ADGRB3: variants seen among roughly 807,000 people sequenced by gnomAD.
The protein encoded by ADGRB3 is adhesion G protein-coupled receptor B3.
Under a neutral mutation model 193.4 loss-of-function variants are expected in ADGRB3, and 37 were observed. That is an observed-to-expected ratio of 0.19 (90% confidence interval 0.15 to 0.25). The LOEUF is 0.25. Among genes scored for constraint, ADGRB3 ranks in the 10% least tolerant of loss-of-function variants. The probability of loss-of-function intolerance (pLI) is 1.00; values close to 1 mark genes in which losing one functional copy is unlikely to be tolerated. For synonymous variants in ADGRB3, 690 were observed against 644.2 expected (o/e 1.07, Z -1.08); for missense variants, 1,637 against 1,852.9 (o/e 0.88, Z 2.14).
intron 3 of ADGRB3, among the ~76,000 whole-genome samples, chr6:68,700,015 T>C (rs1765215947): frequency 6.6e-6 from 1 of 152,160 alleles, no homozygotes; most frequent in African/African-American, 2.4e-5. Flanking sequence ...TTAGGGAATC[T>C]GTAAAACATA....
chr6:69,006,841 T>G (rs1769771945), intron 11 of ADGRB3, among the ~76,000 whole-genome samples: 1 of 152,078 alleles, frequency 6.6e-6, no homozygotes, highest in South Asian at 2.1e-4. Flanking sequence ...TCGTCATCTT[T>G]TTTTTATTTA....
chr6:68,706,209 G>A (rs572110341), intron 3 of ADGRB3, among the ~76,000 whole-genome samples: 2 of 152,210 alleles, frequency 1.3e-5, no homozygotes, highest in South Asian at 4.1e-4. Context: ...ACCCCCAAAG[G>A]AGCAAAGAGA....
At chr6:69,135,485 T>A (rs900959464) in intron 17 of ADGRB3, among the ~76,000 whole-genome samples, 4 of 152,142 alleles carry the variant, frequency 2.6e-5, no homozygotes, top group South Asian at 2.1e-4. Flanking sequence ...AAATGTACTG[T>A]CGTAGTAAGC....
intron 3 of ADGRB3, among the ~76,000 whole-genome samples, chr6:68,816,587 G>A (rs891723193): frequency 6.6e-6 from 1 of 151,694 alleles, no homozygotes; most frequent in African/African-American, 2.4e-5. Context: ...TTTTCTAATA[G>A]ATGTTTGATT....
chr6:68,956,493 T>G (rs1768080040), intron 7 of ADGRB3, 152 bp from the exon 8 acceptor site: 1 of 1,056,194 alleles, frequency 9.5e-7, no homozygotes, highest in Non-Finnish European at 1.4e-6. Flanking sequence ...CGCAATGCTC[T>G]ATATTTGACC....
intron 3 of ADGRB3, among the ~76,000 whole-genome samples, chr6:68,921,247 T>A (rs1242104355): frequency 2.0e-5 from 3 of 152,166 alleles, no homozygotes; most frequent in Non-Finnish European, 4.4e-5. Context: ...AAAATCCGAC[T>A]ATATATGTTA....
chr6:68,654,326 T>C (rs1768441946), intron 3 of ADGRB3, among the ~76,000 whole-genome samples: 1 of 151,996 alleles, frequency 6.6e-6, no homozygotes, highest in Non-Finnish European at 1.5e-5. Flanking sequence ...GCAAGCTTTG[T>C]TCTACGTGGC....
At chr6:68,649,642 CT>C (rs1482696122) in intron 3 of ADGRB3, among the ~76,000 whole-genome samples, 5 of 152,162 alleles carry the variant, frequency 3.3e-5, no homozygotes, top group African/African-American at 9.7e-5. Context: ...TATAGATTTA[CT>C]AAGACAATCT....
intron 17 of ADGRB3, among the ~76,000 whole-genome samples, chr6:69,150,314 A>AC (rs1774636442): frequency 6.6e-6 from 1 of 152,080 alleles, no homozygotes; most frequent in Non-Finnish European, 1.5e-5. Context: ...TGCCATGCAA[A>AC]CCACAAGACA....
intron 3 of ADGRB3, among the ~76,000 whole-genome samples, chr6:68,810,190 T>G (rs2127375212): frequency 6.6e-6 from 1 of 152,332 alleles, no homozygotes; most frequent in East Asian, 1.9e-4. Flanking sequence ...ACTTTACTCC[T>G]GGTATTGACC....
At chr6:69,074,415 A>G (rs564096394) in intron 16 of ADGRB3, among the ~76,000 whole-genome samples, 153 of 152,208 alleles carry the variant, frequency 1.0e-3, no homozygotes, top group Middle Eastern at 3.4e-3. Context: ...TTTCCCAGAT[A>G]CACTCCAGTG....
intron 17 of ADGRB3, among the ~76,000 whole-genome samples, chr6:69,174,461 C>T (rs1488464514): frequency 6.6e-6 from 1 of 152,166 alleles, no homozygotes; most frequent in East Asian, 1.9e-4. Context: ...AATAGTATTC[C>T]ATGGTGTATG....
intron 17 of ADGRB3, among the ~76,000 whole-genome samples, chr6:69,162,397 G>A (rs1775020953): frequency 6.6e-6 from 1 of 152,044 alleles, no homozygotes; most frequent in Non-Finnish European, 1.5e-5. Flanking sequence ...TTCCATTAAG[G>A]GTTTCAGTAT....
chr6:69,136,014 G>A (rs1774139177), intron 17 of ADGRB3, among the ~76,000 whole-genome samples: 1 of 152,044 alleles, frequency 6.6e-6, no homozygotes, highest in South Asian at 2.1e-4. Flanking sequence ...TAAATAACTT[G>A]TGATATCTCT....
Position 68,994,051 on chromosome 6 carries a change from G to A in ADGRB3, c.1929+89G>A, listed in dbSNP as rs1035518000. The A allele has an allele frequency of 2.0e-5, 26 of 1,281,894 alleles. No homozygotes were observed. The East Asian group carries it at 3.3e-4, about 16-fold the overall frequency. The allele number at this position is 1,281,894 out of a possible 1,614,324, so 79.4% of individuals were successfully genotyped here. A position where few individuals can be genotyped will look rare whatever the true frequency, so the allele number is the denominator to read the frequency against. Reference sequence around the variant, plus strand: ...AAGCCAGTGCAGCCGTCTTGGAGGCGGACTGGAGGAAGATAATGCTCATCC... The same window carrying A: ...AAGCCAGTGCAGCCGTCTTGGAGGCAGACTGGAGGAAGATAATGCTCATCC... On this transcript the variant is annotated intron_variant, in intron 11 of 31. Transcript: ENST00000370598.
At chr6:68,764,821 C>T (rs890427005) in intron 3 of ADGRB3, among the ~76,000 whole-genome samples, 5 of 152,018 alleles carry the variant, frequency 3.3e-5, no homozygotes, top group East Asian at 1.9e-4. Flanking sequence ...CAACATGGTG[C>T]GTGGCCTCGT....
At chr6:68,858,755 C>G (rs908177036) in intron 3 of ADGRB3, among the ~76,000 whole-genome samples, 2 of 152,034 alleles carry the variant, frequency 1.3e-5, no homozygotes, top group African/African-American at 4.8e-5. Context: ...ACATTGACCC[C>G]TTTCAGCTGC....
chr6:68,843,124 A>G (rs1768197055), intron 3 of ADGRB3, among the ~76,000 whole-genome samples: 1 of 152,006 alleles, frequency 6.6e-6, no homozygotes, highest in South Asian at 2.1e-4. Flanking sequence ...CTGAAACATG[A>G]TAAGGATGCG....
intron 17 of ADGRB3, among the ~76,000 whole-genome samples, chr6:69,208,861 G>T (rs921611696): frequency 1.8e-4 from 27 of 152,186 alleles, no homozygotes; most frequent in Admixed American, 1.8e-3. Flanking sequence ...GGCTTGATGG[G>T]TTAGAAAGCA....
Sources: allele counts gnomAD v4.1 joint callset (sites outside exome capture counted in the v4.1 genomes callset), GRCh38; gene constraint gnomAD v4.1.1; transcripts MANE v1.5; gene names NCBI Gene and HGNC (gene_info 2026-07-23, HGNC 2026-07-21).